Variants in ZSCAN25 observed in about 807,000 individuals in gnomAD.
ZSCAN25 encodes the protein zinc finger and SCAN domain-containing protein 25.
A neutral mutation model predicts 38.7 loss-of-function variants in ZSCAN25; 27 were observed. The ratio of observed to expected loss-of-function variants is 0.70; its 90% confidence interval spans 0.51 to 0.96. The LOEUF is 0.96. Among genes scored for constraint, ZSCAN25 ranks in the 40% least tolerant of loss-of-function variants. ZSCAN25 has a pLI of 0.00. For missense variants in ZSCAN25, 637 were observed against 705.9 expected (o/e 0.90, Z 1.11); for synonymous variants, 273 against 277.7 (o/e 0.98, Z 0.17).
rs760714597 is a variant in ZSCAN25, at chr7:99,619,628, A to G, written c.22A>G (p.Met8Val). 3.7e-6 allele frequency: 6 copies of G among 1,613,610 alleles called. No homozygotes were observed. The Admixed American group carries it at 5.0e-5, about 13-fold the overall frequency. Residue 8 changes from methionine (M) to valine (V), a missense_variant, in exon 4 of 8, where the codon ATG (methionine) becomes GTG (valine). By Grantham distance (21) the Met-to-Val change is conservative (BLOSUM62 1). Transcript: ENST00000394152. Reference sequence around the variant, plus strand: ...GAAGATGCTTAAAGAGCATCCAGAGATGGCGGAAGCTCCTCAGCAGCAGTT... The same window carrying G: ...GAAGATGCTTAAAGAGCATCCAGAGGTGGCGGAAGCTCCTCAGCAGCAGTT... MLKEHPE[M>V]AEAPQQQLGI...
chr7:99,678,689 A>C, the ZSCAN25 span, among the ~76,000 whole-genome samples: 1 of 152,330 alleles, frequency 6.6e-6, no homozygotes, highest in South Asian at 2.1e-4. Flanking sequence ...AAAATGAATG[A>C]ATTTAAACCA....
At chr7:99,627,458 C>A (rs1304821923) in intron 7 of ZSCAN25, among the ~76,000 whole-genome samples, 1 of 152,076 alleles carries the variant, frequency 6.6e-6, no homozygotes, top group African/African-American at 2.4e-5. Context: ...TATACATACA[C>A]ACACACACAT....
the ZSCAN25 span, chr7:99,671,875 A>G: frequency 4.3e-6 from 3 of 702,492 alleles, no homozygotes; most frequent in African/African-American, 5.2e-5. Context: ...GTCGTTGCAC[A>G]AATCTACGAA....
At chr7:99,709,598 A>C in the ZSCAN25 span, among the ~76,000 whole-genome samples, 726 of 152,290 alleles carry the variant, frequency 4.8e-3, 2 homozygotes, top group African/African-American at 0.017. Flanking sequence ...AAATATGACA[A>C]AGTGATTGTC....
At chr7:99,638,909 G>A in the ZSCAN25 span, 1 of 540,458 alleles carries the variant, frequency 1.9e-6, no homozygotes, top group Non-Finnish European at 3.4e-6. Context: ...AGAGGCCCAG[G>A]CCTGTCGCTC....
chr7:99,700,097 C>A, the ZSCAN25 span: 1 of 1,173,306 alleles, frequency 8.5e-7, no homozygotes, highest in South Asian at 1.2e-5. Flanking sequence ...CTGTTGTTTG[C>A]TGGGCTGTCT....
the ZSCAN25 span, among the ~76,000 whole-genome samples, chr7:99,734,073 C>CA: frequency 6.6e-6 from 1 of 152,048 alleles, no homozygotes; most frequent in Non-Finnish European, 1.5e-5. Context: ...AGTCTATCTC[C>CA]AAAAAAATCT....
At chr7:99,737,641 G>T in the ZSCAN25 span, among the ~76,000 whole-genome samples, 1 of 152,110 alleles carries the variant, frequency 6.6e-6, no homozygotes, top group Non-Finnish European at 1.5e-5. Flanking sequence ...TTATGGAAAC[G>T]ATTATGTTTT....
chr7:99,629,067 G>A lies in ZSCAN25; in HGVS notation c.806-124G>A. 1 of 1,329,234 alleles carries A rather than the reference G, an allele frequency of 7.5e-7. No homozygotes were observed. The highest frequency in any genetic ancestry group is 2.7e-5 in the Admixed American group (1 of 36,972). 82.3% of individuals were successfully genotyped at this position (1,329,234 alleles called of 1,614,324 possible). On this transcript the variant is annotated intron_variant, in intron 7 of 7. Transcript: ENST00000394152. The surrounding 1 kb of genome is among the most constrained non-coding windows in gnomAD (Gnocchi z 5.6). ...AAAAGAAGTAAGGAAAGCCTGAGTT[G>A]AGGTTGTTGGTCAAAGGAAAAAAGA...
At chr7:99,684,929 T>G in the ZSCAN25 span, 7 of 383,644 alleles carry the variant, frequency 1.8e-5, no homozygotes, top group Non-Finnish European at 3.3e-5. Flanking sequence ...TCCCAAGCAC[T>G]GATTTGGTCA....
the ZSCAN25 span, chr7:99,731,109 G>A: frequency 6.2e-7 from 1 of 1,613,852 alleles, no homozygotes; most frequent in Non-Finnish European, 8.5e-7. Flanking sequence ...GTGGGCCCTG[G>A]AATTCCAAGC....
At chr7:99,636,012 A>G (rs372021704), downstream of ZSCAN25, among the ~76,000 whole-genome samples, 22 of 140,076 alleles carry the variant, frequency 1.6e-4, no homozygotes, top group East Asian at 2.3e-3. Flanking sequence ...GCGCCACTGC[A>G]CTCCAGCCTG....
the ZSCAN25 span, among the ~76,000 whole-genome samples, chr7:99,721,170 A>C: frequency 6.6e-6 from 1 of 152,214 alleles, no homozygotes; most frequent in Non-Finnish European, 1.5e-5. Context: ...ACAATGGTTT[A>C]AGAATATTCA....
chr7:99,723,327 C>T, the ZSCAN25 span, among the ~76,000 whole-genome samples: 1 of 152,186 alleles, frequency 6.6e-6, no homozygotes, highest in Admixed American at 6.5e-5. Flanking sequence ...TCGTGACATT[C>T]TTCTTCTGGA....
the ZSCAN25 span, chr7:99,715,223 T>G: frequency 5.8e-6 from 1 of 171,374 alleles, no homozygotes; most frequent in Non-Finnish European, 1.3e-5. Context: ...GAGCAAAAAT[T>G]AAGATGTGAT....
At chr7:99,676,278 C>T in the ZSCAN25 span, 14 of 1,605,872 alleles carry the variant, frequency 8.7e-6, no homozygotes, top group South Asian at 1.3e-4. Context: ...GTGAGTTACT[C>T]AGGAACTGGA....
At chr7:99,693,182 G>C in the ZSCAN25 span, among the ~76,000 whole-genome samples, 1 of 152,092 alleles carries the variant, frequency 6.6e-6, no homozygotes. Context: ...GTTTGCTGGA[G>C]GTCCTCTTCA....
chr7:99,660,378 A>G, the ZSCAN25 span: 18 of 1,466,922 alleles, frequency 1.2e-5, no homozygotes, highest in Non-Finnish European at 1.4e-5. Context: ...GGCTTCCTAC[A>G]TTATGTCAGT....
chr7:99,701,727 G>A, the ZSCAN25 span, among the ~76,000 whole-genome samples: 3 of 152,094 alleles, frequency 2.0e-5, no homozygotes, highest in Non-Finnish European at 4.4e-5. Context: ...TAACTATGTG[G>A]CATTTGTATT....
Sources: allele counts gnomAD v4.1 joint callset (sites outside exome capture counted in the v4.1 genomes callset), GRCh38; gene constraint gnomAD v4.1.1; non-coding constraint Gnocchi (gnomAD v3.1); transcripts MANE v1.5; gene names NCBI Gene and HGNC (gene_info 2026-07-23, HGNC 2026-07-21).